Variants in EXOC6B observed in about 807,000 individuals in gnomAD.
The protein encoded by EXOC6B is exocyst complex component 6B.
In EXOC6B, 54 loss-of-function variants were observed where a neutral mutation model predicts 113.5. The observed-to-expected ratio is 0.48, with a 90% confidence interval of 0.38 to 0.60. The LOEUF (loss-of-function observed/expected upper bound fraction) is 0.60, where lower values mean the gene tolerates loss of function less well. EXOC6B is among the 20% of genes least tolerant of loss of function. The pLI is 0.00. For missense variants in EXOC6B, 797 were observed against 977.5 expected (o/e 0.82, Z 2.46); for synonymous variants, 357 against 339.0 (o/e 1.05, Z -0.58).
intron 1 of EXOC6B, among the ~76,000 whole-genome samples, chr2:72,769,525 G>C (rs1311274483): frequency 2.6e-5 from 4 of 152,016 alleles, no homozygotes; most frequent in African/African-American, 9.7e-5. Context: ...AACTAAAAAA[G>C]GAAGGGCCAG....
chr2:72,771,591 G>A (rs1209409419), intron 1 of EXOC6B, among the ~76,000 whole-genome samples: 1 of 152,160 alleles, frequency 6.6e-6, no homozygotes, highest in African/African-American at 2.4e-5. Flanking sequence ...CTAAGATCAT[G>A]AATTACATTT....
intron 6 of EXOC6B, among the ~76,000 whole-genome samples, chr2:72,661,941 A>C (rs1675045227): frequency 6.6e-6 from 1 of 152,040 alleles, no homozygotes; most frequent in Non-Finnish European, 1.5e-5. Context: ...TTTTTGACAA[A>C]ACTGAAAAAC....
intron 6 of EXOC6B, among the ~76,000 whole-genome samples, chr2:72,595,300 T>TATAG (rs1670010130): frequency 2.0e-5 from 3 of 147,322 alleles, no homozygotes; most frequent in East Asian, 2.0e-4. Context: ...TATATCTATA[T>TATAG]ATATATATGA....
intron 8 of EXOC6B, among the ~76,000 whole-genome samples, chr2:72,550,881 A>G (rs1475673880): frequency 6.6e-6 from 1 of 151,902 alleles, no homozygotes; most frequent in East Asian, 1.9e-4. Flanking sequence ...TCAGAGATAC[A>G]TAACAATTAC....
At chr2:72,198,307 TCACA>T (rs1679292576) in intron 20 of EXOC6B, among the ~76,000 whole-genome samples, 3 of 152,294 alleles carry the variant, frequency 2.0e-5, no homozygotes, top group Admixed American at 1.3e-4. Flanking sequence ...GCCTGCTCTC[TCACA>T]GAGCAGGCTG....
intron 20 of EXOC6B, among the ~76,000 whole-genome samples, chr2:72,227,559 A>T (rs1371044181): frequency 2.6e-5 from 4 of 152,208 alleles, no homozygotes; most frequent in Non-Finnish European, 5.9e-5. Flanking sequence ...AAGATTTTTA[A>T]AAATTAGTAA....
At chr2:72,266,972 G>T (rs368261520) in intron 20 of EXOC6B, among the ~76,000 whole-genome samples, 2 of 152,054 alleles carry the variant, frequency 1.3e-5, no homozygotes, top group South Asian at 4.2e-4. Flanking sequence ...GGTCCTTCAC[G>T]TCCCTTTTAA....
chr2:72,237,323 T>C (rs1376289037), intron 20 of EXOC6B, among the ~76,000 whole-genome samples: 10 of 152,222 alleles, frequency 6.6e-5, no homozygotes, highest in Non-Finnish European at 2.9e-5. Flanking sequence ...GTTTTGCTCA[T>C]TGATTTTTAT....
intron 6 of EXOC6B, among the ~76,000 whole-genome samples, chr2:72,625,065 T>TGGG (rs1553455165): frequency 8.0e-6 from 1 of 124,862 alleles, no homozygotes; most frequent in African/African-American, 2.9e-5. Flanking sequence ...AGTTTTTTTT[T>TGGG]GGGGGGGGGG....
chr2:72,820,418 A>G (rs1165923917), intron 1 of EXOC6B, among the ~76,000 whole-genome samples: 1 of 152,184 alleles, frequency 6.6e-6, no homozygotes, highest in Non-Finnish European at 1.5e-5. Flanking sequence ...ACTTTATGTT[A>G]CATAAGACTG....
intron 20 of EXOC6B, among the ~76,000 whole-genome samples, chr2:72,308,786 C>T (rs1687030177): frequency 6.6e-6 from 1 of 152,150 alleles, no homozygotes; most frequent in African/African-American, 2.4e-5. Context: ...CATTTCCCAT[C>T]TTAACAGGCA....
At chr2:72,497,415 T>C (rs1386240975) in intron 13 of EXOC6B, among the ~76,000 whole-genome samples, 1 of 152,144 alleles carries the variant, frequency 6.6e-6, no homozygotes, top group African/African-American at 2.4e-5. Flanking sequence ...ATCGATAGGT[T>C]CTCTCTCCTT....
chr2:72,643,773 AT>A (rs1372630398), intron 6 of EXOC6B, among the ~76,000 whole-genome samples: 3 of 151,712 alleles, frequency 2.0e-5, no homozygotes, highest in Non-Finnish European at 4.4e-5. Context: ...TTTAAAAAAA[AT>A]AAATTTAAAA....
intron 1 of EXOC6B, among the ~76,000 whole-genome samples, chr2:72,817,480 T>C (rs1043111196): frequency 5.9e-5 from 9 of 152,226 alleles, no homozygotes; most frequent in African/African-American, 2.2e-4. Flanking sequence ...AATTTTTTAA[T>C]TCTTCTATTC....
chr2:72,709,154 A>G (rs1679101736), intron 6 of EXOC6B, among the ~76,000 whole-genome samples: 1 of 152,040 alleles, frequency 6.6e-6, no homozygotes, highest in African/African-American at 2.4e-5. Flanking sequence ...TCTCTCTTCT[A>G]GATCATCCTT....
intron 11 of EXOC6B, among the ~76,000 whole-genome samples, chr2:72,509,941 C>G (rs993442860): frequency 6.6e-6 from 1 of 152,170 alleles, no homozygotes; most frequent in African/African-American, 2.4e-5. Context: ...TCCAGCAATT[C>G]TCCTGCCTCA....
rs1032737536 is a variant in EXOC6B, at chr2:72,465,763, T to C, written c.1801-424A>G. On this transcript the variant is annotated intron_variant, in intron 17 of 21. Transcript: ENST00000272427. ...ACACAGACTTGTGCAGAGTAAGTTA[T>C]GAAGTACCTGCCACCACATTCAATA... Among the ~76,000 whole-genome samples the C allele has an allele frequency of 2.0e-5, 3 of 152,322 alleles. No individual in the cohort carries two copies. In the East Asian group the frequency reaches 5.8e-4, roughly 29 times the overall value.
intron 6 of EXOC6B, among the ~76,000 whole-genome samples, chr2:72,715,196 C>A (rs1679528090): frequency 6.6e-6 from 1 of 152,054 alleles, no homozygotes; most frequent in African/African-American, 2.4e-5. Context: ...CAATGCACTC[C>A]AGCCTAGTGA....
chr2:72,743,734 T>C (rs1681506589), intron 1 of EXOC6B, among the ~76,000 whole-genome samples: 1 of 152,186 alleles, frequency 6.6e-6, no homozygotes, highest in African/African-American at 2.4e-5. Flanking sequence ...TAAGGACTCT[T>C]TGATTTCTGA....
Sources: allele counts gnomAD v4.1 joint callset (sites outside exome capture counted in the v4.1 genomes callset), GRCh38; gene constraint gnomAD v4.1.1; transcripts MANE v1.5; gene names NCBI Gene and HGNC (gene_info 2026-07-23, HGNC 2026-07-21).